CMTM4: variants seen among roughly 807,000 people sequenced by gnomAD.
CMTM4 encodes CKLF like MARVEL transmembrane domain containing 4.
In CMTM4, 8 loss-of-function variants were observed where a neutral mutation model predicts 19.0. The ratio of observed to expected loss-of-function variants is 0.42; its 90% CI spans 0.25 to 0.76. The LOEUF (loss-of-function observed/expected upper bound fraction) is 0.76. CMTM4 is among the 30% of genes least tolerant of loss of function. CMTM4 has a pLI of 0.27. For missense variants in CMTM4, 228 were observed against 290.2 expected (o/e 0.79, Z 1.56); for synonymous variants, 106 against 121.1 (o/e 0.88, Z 0.82).
rs1457395815 is a variant in CMTM4 at position 66,622,224 on chromosome 16, T to TA, written c.463-3dup. ...CGCAGTCGCCAAGAAGCCAAATATC[T>TA]AAAAACACACCAGCACAGTTAGTCC... On this transcript the variant is annotated splice_polypyrimidine_tract_variant and splice_region_variant and intron_variant, in intron 3 of 3. Coordinates refer to ENST00000394106, the MANE Select transcript of CMTM4 (RefSeq NM_181521.3). This position sits in a 1 kb window ranked among gnomAD's most constrained non-coding sequence, Gnocchi z 4.0. 6.2e-7 allele frequency: 1 copy of TA among 1,613,504 alleles called. No homozygotes were observed. The highest frequency in any genetic ancestry group is 1.1e-5 in the South Asian group (1 of 90,852).
At chr16:66,672,351 G>A (rs559993188) in intron 1 of CMTM4, among the ~76,000 whole-genome samples, 120 of 149,684 alleles carry the variant, frequency 8.0e-4, no homozygotes, top group African/African-American at 2.9e-3. Context: ...GTTGCAATAA[G>A]CCGAGATTGA....
intron 1 of CMTM4, among the ~76,000 whole-genome samples, chr16:66,644,658 T>C (rs1567413685): frequency 2.0e-5 from 3 of 152,176 alleles, no homozygotes; most frequent in Non-Finnish European, 2.9e-5. Flanking sequence ...GTTTGGACAA[T>C]GAGGTGTGAG....
At chr16:66,623,057 A>G (rs1459300426) in intron 3 of CMTM4, among the ~76,000 whole-genome samples, 1 of 152,196 alleles carries the variant, frequency 6.6e-6, no homozygotes, top group Non-Finnish European at 1.5e-5. Context: ...TTCCCCAGGC[A>G]GATAAGGCTC....
At chr16:66,604,809 T>C in the CMTM4 span, 2 of 1,254,826 alleles carry the variant, frequency 1.6e-6, no homozygotes, top group Admixed American at 4.3e-5. Context: ...CGCCGCCATG[T>C]GGCCCCCAGA....
At chr16:66,658,257 G>A (rs1469645275) in intron 1 of CMTM4, among the ~76,000 whole-genome samples, 16 of 119,564 alleles carry the variant, frequency 1.3e-4, no homozygotes, top group Non-Finnish European at 2.7e-4. Context: ...GGGAAGGAGA[G>A]AAGGAGGGAG....
intron 1 of CMTM4, among the ~76,000 whole-genome samples, chr16:66,694,095 GAAAAGAAAAGAAA>G (rs1248145866): frequency 1.3e-5 from 2 of 151,620 alleles, no homozygotes; most frequent in East Asian, 1.9e-4. Flanking sequence ...AGAGAAAAGA[GAAAAGAAAAGAAA>G]AAAAGAAAAG....
At chr16:66,674,361 T>G (rs1053364482) in intron 1 of CMTM4, among the ~76,000 whole-genome samples, 1 of 152,112 alleles carries the variant, frequency 6.6e-6, no homozygotes, top group Non-Finnish European at 1.5e-5. Context: ...TCCTGGCAAC[T>G]CAGGCCAACA....
At chr16:66,673,687 G>GT (rs1567427350) in intron 1 of CMTM4, among the ~76,000 whole-genome samples, 1 of 152,140 alleles carries the variant, frequency 6.6e-6, no homozygotes, top group Non-Finnish European at 1.5e-5. Flanking sequence ...AGACAGCAAT[G>GT]TTTTTTACAT....
chr16:66,645,066 C>G (rs954953092), intron 1 of CMTM4, among the ~76,000 whole-genome samples: 8 of 149,234 alleles, frequency 5.4e-5, no homozygotes, highest in Admixed American at 4.7e-4. Context: ...GGCGGATCAC[C>G]TGAGGTCAGG....
the CMTM4 span, among the ~76,000 whole-genome samples, chr16:66,600,138 T>TGTG: frequency 1.0e-2 from 1,258 of 126,200 alleles, 17 homozygotes; most frequent in Non-Finnish European, 0.015. Context: ...GTGTGTGTGT[T>TGTG]TTTTTTTGTT....
At chr16:66,637,500 C>T (rs1180527357) in intron 1 of CMTM4, among the ~76,000 whole-genome samples, 2 of 152,016 alleles carry the variant, frequency 1.3e-5, no homozygotes, top group African/African-American at 2.4e-5. Context: ...GCTGAGATCG[C>T]GCCATTGCAC....
intron 2 of CMTM4, among the ~76,000 whole-genome samples, chr16:66,633,116 TAAATATATATATATAA>T (rs2015912922): frequency 1.8e-5 from 1 of 57,042 alleles, no homozygotes; most frequent in East Asian, 1.4e-3. Context: ...TATATATATA[TAAATATATATATATAA>T]ATATATATAT....
At chr16:66,682,554 C>A (rs896236445) in intron 1 of CMTM4, among the ~76,000 whole-genome samples, 20 of 152,150 alleles carry the variant, frequency 1.3e-4, no homozygotes, top group South Asian at 2.1e-4. Context: ...AAACTTTGAA[C>A]ATTTTAAGTG....
chr16:66,642,965 A>G (rs983437660), intron 1 of CMTM4, among the ~76,000 whole-genome samples: 2 of 152,148 alleles, frequency 1.3e-5, no homozygotes, highest in African/African-American at 4.8e-5. Context: ...TCTGTCGCCC[A>G]GGCTGGAATG....
At chr16:66,612,475 G>A, downstream of CMTM4, 1 of 835,838 alleles carries the variant, frequency 1.2e-6, no homozygotes, top group Non-Finnish European at 1.9e-6. This position sits in a 1 kb window ranked among gnomAD's most constrained non-coding sequence, Gnocchi z 6.0. Flanking sequence ...GCGATCACTG[G>A]GAACGGTAGA....
Position 66,621,921 on chromosome 16 carries a change from A to AC in CMTM4, c.*136dup. ...ACCCGCCCACTGGGCCACTCGGGAA[A>AC]CCCTTTCCCAAAATGAACTTTTACC... On this transcript the variant is annotated 3_prime_UTR_variant, in exon 4 of 4. Transcript: ENST00000394106. 1.4e-6 allele frequency: 2 copies of AC among 1,443,540 alleles called. No individual in the cohort carries two copies. The highest frequency in any genetic ancestry group is 1.8e-6 in the Non-Finnish European group (2 of 1,099,016). The allele number at this position is 1,443,540 out of a possible 1,614,324, so 89.4% of individuals were successfully genotyped here.
rs144490035 is a variant in CMTM4 at position 66,626,765 on chromosome 16, G to A, written c.364-3263C>T. ...AGCCTGAGAGACAGAATGAGACTCC[G>A]TCTCAAAGAAAAAAAAAAAGAAAAA... is the stretch of plus-strand genomic sequence containing the variant. On this transcript the variant is annotated intron_variant, in intron 2 of 3. Coordinates refer to ENST00000394106, the MANE Select transcript of CMTM4 (RefSeq NM_181521.3). 1.1e-3 allele frequency among the ~76,000 whole-genome samples: 163 copies of A among 149,464 alleles called. 1 individual carries two copies. In the East Asian group the frequency reaches 0.023, roughly 21 times the overall value.
chr16:66,603,624 G>A, the CMTM4 span, among the ~76,000 whole-genome samples: 1 of 152,128 alleles, frequency 6.6e-6, no homozygotes, highest in Admixed American at 6.5e-5. Context: ...TGCCCTTGTT[G>A]GCAAAGCACC....
At chr16:66,599,995 C>T in the CMTM4 span, among the ~76,000 whole-genome samples, 18 of 151,958 alleles carry the variant, frequency 1.2e-4, no homozygotes, top group South Asian at 2.1e-4. Flanking sequence ...TCTTTTTACA[C>T]GCTTATTGGA....
Sources: allele counts gnomAD v4.1 joint callset (sites outside exome capture counted in the v4.1 genomes callset), GRCh38; gene constraint gnomAD v4.1.1; non-coding constraint Gnocchi (gnomAD v3.1); transcripts MANE v1.5; gene names NCBI Gene and HGNC (gene_info 2026-07-23, HGNC 2026-07-21).